The following TMEM135 variants were observed in gnomAD, a reference collection of about 807,000 sequenced individuals.
TMEM135 encodes peroxisomal membrane protein 52.
TMEM135 carries 30 observed loss-of-function variants against 60.3 expected under a neutral mutation model. The observed-to-expected ratio is 0.50, with a 90% confidence interval of 0.37 to 0.68. TMEM135 has a LOEUF of 0.68. Ranked by LOEUF, TMEM135 falls within the 30% of genes least tolerant of loss-of-function variation. The pLI, the probability that TMEM135 is intolerant of heterozygous loss-of-function variation, is 0.00. For missense variants in TMEM135, 468 were observed against 548.8 expected (o/e 0.85, Z 1.47); for synonymous variants, 190 against 186.7 (o/e 1.02, Z -0.14).
chr11:87,284,038 A>G (rs962887978), intron 6 of TMEM135, among the ~76,000 whole-genome samples: 4 of 152,190 alleles, frequency 2.6e-5, no homozygotes, highest in Admixed American at 2.6e-4. Flanking sequence ...TTTAATGTAA[A>G]TAATTTTGGT....
intron 4 of TMEM135, among the ~76,000 whole-genome samples, chr11:87,134,459 C>T (rs10898606): frequency 0.12 from 17,483 of 151,976 alleles, 1,248 homozygotes; most frequent in African/African-American, 0.19. Flanking sequence ...ATATGGAGAG[C>T]ACATGTCTAG....
chr11:87,293,170 G>T (rs1394893374), intron 6 of TMEM135, among the ~76,000 whole-genome samples: 1 of 152,052 alleles, frequency 6.6e-6, no homozygotes, highest in African/African-American at 2.4e-5. Context: ...CACTTCATCA[G>T]ATGGAAAAAG....
chr11:87,111,385 C>G (rs565330168), intron 4 of TMEM135, among the ~76,000 whole-genome samples: 45 of 152,054 alleles, frequency 3.0e-4, no homozygotes, highest in African/African-American at 1.1e-3. Context: ...CTGTGGCTCA[C>G]GCCTGTAATC....
chr11:87,262,427 A>T (rs896504542), intron 6 of TMEM135, among the ~76,000 whole-genome samples: 11 of 152,230 alleles, frequency 7.2e-5, no homozygotes, highest in Non-Finnish European at 1.6e-4. Context: ...TTGTCAGTCA[A>T]ATCATCTAAA....
chr11:87,042,157 A>G (rs190941233), intron 1 of TMEM135, among the ~76,000 whole-genome samples: 1 of 152,382 alleles, frequency 6.6e-6, no homozygotes, highest in Admixed American at 6.5e-5. Flanking sequence ...TTTTATGCTT[A>G]GGTTCAACGA....
At chr11:87,042,053 A>G (rs1263155155) in intron 1 of TMEM135, among the ~76,000 whole-genome samples, 4 of 152,250 alleles carry the variant, frequency 2.6e-5, no homozygotes, top group South Asian at 2.1e-4. Flanking sequence ...AGGCCGATGG[A>G]TTAATAGGAG....
chr11:87,313,416 C>G lies in TMEM135; in HGVS notation c.937-9C>G. Reference sequence around the variant, plus strand: ...ATAACTGAAGTCATTGTATTTTCTCCTTAACTAGGGTACTAGTTGCTTCCT... The same window carrying G: ...ATAACTGAAGTCATTGTATTTTCTCGTTAACTAGGGTACTAGTTGCTTCCT... On this transcript the variant is annotated splice_polypyrimidine_tract_variant and intron_variant, in intron 10 of 14. Transcript: ENST00000305494. 1 of 1,605,956 alleles carries G rather than the reference C, an allele frequency of 6.2e-7. No homozygotes were observed.
intron 4 of TMEM135, among the ~76,000 whole-genome samples, chr11:87,111,743 G>A (rs117139764): frequency 0.023 from 3,488 of 151,544 alleles, 67 homozygotes; most frequent in Non-Finnish European, 0.037. Context: ...TAGAAATATA[G>A]CTTGTGTTTG....
In TMEM135 at chr11:87,313,499, A is replaced by T; in HGVS notation, c.1000+11A>T. 1.9e-6 allele frequency: 3 copies of T among 1,597,048 alleles called. No homozygotes were observed. The highest frequency in any genetic ancestry group is 2.6e-6 in the Non-Finnish European group (3 of 1,165,352). On this transcript the variant is annotated intron_variant, in intron 11 of 14. Transcript: ENST00000305494. ...ATGCTATTATAGCTGGTAAAGCAAT[A>T]ATAAAAATGAATGGTTATTATTGTA...
chr11:87,062,626 G>A lies in TMEM135; in HGVS notation c.142-5068G>A, dbSNP rs113886135. Among the ~76,000 whole-genome samples the A allele has an allele frequency of 5.5e-4, 83 of 151,250 alleles. 2 individuals carry two copies. Among genetic ancestry groups the A allele is most frequent in the African/African-American group, 1.9e-3 (78 of 41,192 alleles). The stretch of plus-strand genomic sequence containing the variant: ...ATTACAGGCGCCTGCCACTGTGCCC[G>A]GCTAATTTTTGTATTTTTAGTATAG... On this transcript the variant is annotated intron_variant, in intron 1 of 14. Transcript: ENST00000305494.
rs1942891747 is a variant in TMEM135, at chr11:87,325,032, C to T, written c.*3699C>T. On this transcript the variant is annotated 3_prime_UTR_variant, in exon 15 of 15. Coordinates refer to ENST00000305494, the MANE Select transcript of TMEM135 (RefSeq NM_022918.4). Reference sequence around the variant, plus strand: ...GGTGATGTTTACAATTGCCTCCAGCCCTTTACTATTGGTGCTGAAGCCACC... The same window carrying T: ...GGTGATGTTTACAATTGCCTCCAGCTCTTTACTATTGGTGCTGAAGCCACC... 2.2e-6 allele frequency: 1 copy of T among 453,722 alleles called. No individual in the cohort carries two copies. The highest frequency in any genetic ancestry group is 4.4e-6 in the Non-Finnish European group (1 of 226,754). The allele number at this position is 453,722 out of a possible 1,614,324, so 28.1% of individuals were successfully genotyped here.
At chr11:87,197,053 A>G (rs1159141018) in intron 5 of TMEM135, among the ~76,000 whole-genome samples, 1 of 152,128 alleles carries the variant, frequency 6.6e-6, no homozygotes, top group Admixed American at 6.5e-5. Context: ...AATAAAGGAA[A>G]TTCAGATGTA....
At chr11:87,272,051 CT>C (rs773654603) in intron 6 of TMEM135, among the ~76,000 whole-genome samples, 17,002 of 81,104 alleles carry the variant, frequency 0.21, 1,319 homozygotes, top group African/African-American at 0.3. Context: ...TTTTTCTTTT[CT>C]TTTTTTTTTT....
chr11:87,040,554 C>T (rs146716482), intron 1 of TMEM135, among the ~76,000 whole-genome samples: 1,854 of 151,754 alleles, frequency 0.012, 38 homozygotes, highest in African/African-American at 0.041. Flanking sequence ...CCCAGCTACT[C>T]GGGAGGCTGA....
Position 87,324,440 on chromosome 11 carries a change from G to C in TMEM135, c.*3107G>C, listed in dbSNP as rs377704171. The stretch of plus-strand genomic sequence containing the variant: ...CGTGTGATTTATTTTTTTATTTTTT[G>C]AGTTGAGGTCTAGCTCTGTTGCCCG... On this transcript the variant is annotated 3_prime_UTR_variant, in exon 15 of 15. Coordinates refer to ENST00000305494, the MANE Select transcript of TMEM135 (RefSeq NM_022918.4). The C allele has an allele frequency of 3.0e-4, 135 of 453,862 alleles. No individual in the cohort carries two copies. Among genetic ancestry groups the C allele is most frequent in the African/African-American group, 2.6e-3 (130 of 50,028 alleles). The allele number at this position is 453,862 out of a possible 1,614,324, so 28.1% of individuals were successfully genotyped here. A position where few individuals can be genotyped will look rare whatever the true frequency, so the allele number is the denominator to read the frequency against.
chr11:87,305,006 G>T (rs17759514), intron 8 of TMEM135, among the ~76,000 whole-genome samples: 4 of 152,150 alleles, frequency 2.6e-5, no homozygotes, highest in Admixed American at 2.0e-4. Context: ...TTAAACACTG[G>T]AGGGTTAAGT....
At chr11:87,276,730 G>A (rs1941974739) in intron 6 of TMEM135, among the ~76,000 whole-genome samples, 2 of 138,686 alleles carry the variant, frequency 1.4e-5, no homozygotes, top group East Asian at 2.0e-4. Flanking sequence ...TCGCGGTAGC[G>A]TGATCTCGAC....
intron 5 of TMEM135, among the ~76,000 whole-genome samples, chr11:87,235,005 A>C (rs1196227049): frequency 1.3e-5 from 2 of 151,980 alleles, no homozygotes. Flanking sequence ...GTGCAGGAAA[A>C]GTCTGAAGCA....
chr11:87,295,746 A>G (rs746665370), intron 6 of TMEM135, 36 bp from the exon 7 acceptor site: 5 of 1,554,488 alleles, frequency 3.2e-6, no homozygotes, highest in South Asian at 1.2e-5. Flanking sequence ...ATCTCAAAAT[A>G]TGTTATTTTA....
Sources: gnomAD v4.1 joint callset for allele counts (sites outside exome capture counted in the v4.1 genomes callset) on GRCh38, gnomAD v4.1.1 for gene constraint, MANE v1.5 for transcripts, NCBI Gene and HGNC (gene_info 2026-07-23, HGNC 2026-07-21) for gene names.